DRC8: variants seen among roughly 807,000 people sequenced by gnomAD.
DRC8 encodes the protein dynein regulatory complex protein 8.
the DRC8 span, among the ~76,000 whole-genome samples, chr1:245,088,315 G>GAACACACACACAC: frequency 3.4e-5 from 5 of 145,600 alleles, no homozygotes; most frequent in African/African-American, 1.3e-4. The surrounding 1 kb of genome is among the most constrained non-coding windows in gnomAD (Gnocchi z 4.6). Flanking sequence ...GTTATAACAA[G>GAACACACACACAC]ACACACACAC....
chr1:245,116,720 A>G, the DRC8 span, among the ~76,000 whole-genome samples: 1 of 152,224 alleles, frequency 6.6e-6, no homozygotes, highest in Non-Finnish European at 1.5e-5. Flanking sequence ...AACTATAGAC[A>G]CAAAGATTAA....
chr1:245,113,615 T>C, the DRC8 span, among the ~76,000 whole-genome samples: 1 of 152,062 alleles, frequency 6.6e-6, no homozygotes, highest in Non-Finnish European at 1.5e-5. Flanking sequence ...CCACTTATGA[T>C]CATACAATAC....
the DRC8 span, chr1:245,087,271 G>T: frequency 6.2e-7 from 1 of 1,610,640 alleles, no homozygotes; most frequent in Non-Finnish European, 8.5e-7. Context: ...AGAGGAAATG[G>T]AAGAAATGTT....
chr1:245,114,249 G>A, the DRC8 span, among the ~76,000 whole-genome samples: 3 of 152,050 alleles, frequency 2.0e-5, no homozygotes, highest in Non-Finnish European at 2.9e-5. Flanking sequence ...CGGGTCACAA[G>A]TTCAGGAGTT....
At chr1:245,088,400 A>T in the DRC8 span, among the ~76,000 whole-genome samples, 1 of 150,856 alleles carries the variant, frequency 6.6e-6, no homozygotes, top group Non-Finnish European at 1.5e-5. The surrounding 1 kb of genome is among the most constrained non-coding windows in gnomAD (Gnocchi z 4.6). Context: ...ATCTACATAG[A>T]TGTAAACATT....
the DRC8 span, among the ~76,000 whole-genome samples, chr1:244,992,863 T>C: frequency 6.6e-6 from 1 of 152,234 alleles, no homozygotes; most frequent in Non-Finnish European, 1.5e-5. Context: ...CAAATATTTA[T>C]TATCTCTCAT....
At chr1:245,045,412 A>G in the DRC8 span, among the ~76,000 whole-genome samples, 2 of 152,216 alleles carry the variant, frequency 1.3e-5, no homozygotes, top group Non-Finnish European at 2.9e-5. Context: ...GAAGCAACAA[A>G]AGAACAAAAG....
chr1:244,969,892 G>C, the DRC8 span: 2 of 451,196 alleles, frequency 4.4e-6, no homozygotes, highest in Non-Finnish European at 7.7e-6. Context: ...CGAATGGGAA[G>C]CGGGAGGAGG....
chr1:245,092,818 A>G, the DRC8 span, among the ~76,000 whole-genome samples: 2 of 152,160 alleles, frequency 1.3e-5, no homozygotes, highest in East Asian at 3.8e-4. Context: ...GCTTCCCCGG[A>G]GGTCGAGGCT....
the DRC8 span, among the ~76,000 whole-genome samples, chr1:245,049,253 G>A: frequency 6.6e-6 from 1 of 152,176 alleles, no homozygotes; most frequent in African/African-American, 2.4e-5. This position sits in a 1 kb window ranked among gnomAD's most constrained non-coding sequence, Gnocchi z 4.5. Context: ...CCAGAGTGCT[G>A]GGATTACAGG....
chr1:245,080,554 C>T, the DRC8 span, among the ~76,000 whole-genome samples: 1 of 152,190 alleles, frequency 6.6e-6, no homozygotes, highest in Non-Finnish European at 1.5e-5. Flanking sequence ...ATCACCTTAT[C>T]CCAGTGGTAT....
the DRC8 span, among the ~76,000 whole-genome samples, chr1:244,971,745 TC>T: frequency 6.6e-6 from 1 of 152,128 alleles, no homozygotes; most frequent in Non-Finnish European, 1.5e-5. Flanking sequence ...AGTCACTTGT[TC>T]CGGTGATCAC....
the DRC8 span, chr1:245,124,979 C>G: frequency 6.6e-6 from 1 of 152,198 alleles, no homozygotes. Context: ...CCCTATGCCT[C>G]GGCGTATTCA....
the DRC8 span, among the ~76,000 whole-genome samples, chr1:244,992,167 A>C: frequency 6.6e-6 from 1 of 152,228 alleles, no homozygotes. Flanking sequence ...AGCTGTTTAC[A>C]GTAAAATGGC....
chr1:245,089,669 T>G, the DRC8 span, among the ~76,000 whole-genome samples: 16 of 151,832 alleles, frequency 1.1e-4, no homozygotes, highest in Non-Finnish European at 1.9e-4. The surrounding 1 kb of genome is among the most constrained non-coding windows in gnomAD (Gnocchi z 4.8). Context: ...GTTGAGTGGA[T>G]GGAGTAAGGA....
chr1:245,014,092 T>C, the DRC8 span, among the ~76,000 whole-genome samples: 1 of 148,726 alleles, frequency 6.7e-6, no homozygotes, highest in Non-Finnish European at 1.5e-5. Flanking sequence ...TAACTCTGGG[T>C]AGAATTTGAA....
At chr1:244,989,479 G>A in the DRC8 span, among the ~76,000 whole-genome samples, 1 of 152,100 alleles carries the variant, frequency 6.6e-6, no homozygotes, top group African/African-American at 2.4e-5. Context: ...GTCCTGATTA[G>A]ACTGGTGGAA....
the DRC8 span, among the ~76,000 whole-genome samples, chr1:245,067,203 T>G: frequency 6.6e-6 from 1 of 152,092 alleles, no homozygotes; most frequent in African/African-American, 2.4e-5. Context: ...CTCGGCTCAC[T>G]GCAACCTCCA....
At chr1:245,065,213 C>T in the DRC8 span, among the ~76,000 whole-genome samples, 8 of 151,224 alleles carry the variant, frequency 5.3e-5, no homozygotes, top group South Asian at 4.2e-4. Flanking sequence ...CCATCACGCC[C>T]GGCTAATTTT....
Sources: allele counts gnomAD v4.1 joint callset (sites outside exome capture counted in the v4.1 genomes callset), GRCh38; gene constraint gnomAD v4.1.1; non-coding constraint Gnocchi (gnomAD v3.1); transcripts MANE v1.5; gene names NCBI Gene and HGNC (gene_info 2026-07-23, HGNC 2026-07-21).